Variants in MYO1H observed in about 807,000 individuals in gnomAD.
MYO1H encodes myosin IH.
A neutral mutation model predicts 149.3 loss-of-function variants in MYO1H; 118 were observed. That is an observed-to-expected ratio of 0.79 (90% CI 0.68 to 0.92). MYO1H has a LOEUF of 0.92. MYO1H is among the 40% of genes least tolerant of loss of function. The pLI, the probability that MYO1H is intolerant of heterozygous loss-of-function variation, is 0.00. For missense variants in MYO1H, 1,212 were observed against 1,280.7 expected (o/e 0.95, Z 0.82); for synonymous variants, 447 against 465.2 (o/e 0.96, Z 0.50).
At chr12:109,400,089 T>TA (rs1870096337) in intron 5 of MYO1H, among the ~76,000 whole-genome samples, 1 of 152,240 alleles carries the variant, frequency 6.6e-6, no homozygotes, top group African/African-American at 2.4e-5. Flanking sequence ...TCAATCAACG[T>TA]ATCTGTCAGA....
At chr12:109,334,574 C>T in the MYO1H span, among the ~76,000 whole-genome samples, 2 of 152,172 alleles carry the variant, frequency 1.3e-5, no homozygotes, top group Non-Finnish European at 1.5e-5. Context: ...ATTGAAATTG[C>T]CTGCTAAAGC....
In MYO1H at chr12:109,383,165, A is replaced by G. The variant is rs139759368; in HGVS notation, c.13-5518A>G. Among the ~76,000 whole-genome samples, 99 of 152,250 alleles carry G rather than the reference A, an allele frequency of 6.5e-4. 1 individual carries two copies. Among genetic ancestry groups the G allele is most frequent in the African/African-American group, 2.3e-3 (95 of 41,556 alleles). On this transcript the variant is annotated intron_variant, in intron 1 of 31. Transcript: ENST00000310903. Reference sequence around the variant, plus strand: ...AGAAAGGTCTGCTTTCCTCAATTTTACATATTAAGGTTTCTTATAACATTT... The same window carrying G: ...AGAAAGGTCTGCTTTCCTCAATTTTGCATATTAAGGTTTCTTATAACATTT...
At position 109,354,631 on chromosome 12, in the gene MYO1H, A is replaced by AAAGAAAGG. The variant is rs1555247920; in HGVS notation, c.12+6661_12+6662insGAAAGGAA. Among the ~76,000 whole-genome samples, 170 of 94,822 alleles carry AAAGAAAGG rather than the reference A, an allele frequency of 1.8e-3. 1 individual carries two copies. The highest frequency in any genetic ancestry group is 0.011 in the African/African-American group (157 of 13,794). 62.2% of individuals were successfully genotyped at this position (94,822 alleles called of 152,430 possible). ...CGAGACTCTGTCTAAAAAAAAAAAA[A>AAAGAAAGG]AAAGAAAAGAAAAGAAATCCCAGCC... On this transcript the variant is annotated intron_variant, in intron 1 of 31. Transcript: ENST00000310903.
chr12:109,404,161 A>AAACACCAAATTT, intron 7 of MYO1H, 81 bp downstream of exon 7: 1 of 1,042,194 alleles, frequency 9.6e-7, no homozygotes, highest in African/African-American at 1.6e-5. Flanking sequence ...TGCAGAATAC[A>AAACACCAAATTT]GTGGCCAAAT....
chr12:109,447,538 C>T (rs559613987), exon 32 of MYO1H: 8 of 357,984 alleles, frequency 2.2e-5, no homozygotes, highest in Non-Finnish European at 4.2e-5. Context: ...TGATGAAATA[C>T]TGTGTACAGC....
chr12:109,366,632 T>C (rs1390448967), intron 1 of MYO1H, among the ~76,000 whole-genome samples: 1 of 152,142 alleles, frequency 6.6e-6, no homozygotes, highest in Non-Finnish European at 1.5e-5. Context: ...TGACTCTCCC[T>C]CAGATGCAGA....
At chr12:109,396,548 G>T in exon 4 of MYO1H, 2 of 1,613,558 alleles carry the variant, frequency 1.2e-6, no homozygotes, top group Non-Finnish European at 1.7e-6. Flanking sequence ...CAAATAGCCC[G>T]TGACAGACTG....
chr12:109,325,562 A>G, the MYO1H span, among the ~76,000 whole-genome samples: 1 of 152,364 alleles, frequency 6.6e-6, no homozygotes, highest in East Asian at 1.9e-4. Flanking sequence ...AGCAATTTCA[A>G]CAAAAGGCAA....
chr12:109,396,827 T>C (rs919645877), intron 4 of MYO1H, among the ~76,000 whole-genome samples: 3 of 126,564 alleles, frequency 2.4e-5, no homozygotes, highest in African/African-American at 9.1e-5. Flanking sequence ...TTTTTTTTTT[T>C]TTTTTTTTTT....
chr12:109,433,970 G>A (rs1485944468), intron 20 of MYO1H, among the ~76,000 whole-genome samples: 1 of 152,150 alleles, frequency 6.6e-6, no homozygotes, highest in Non-Finnish European at 1.5e-5. Flanking sequence ...GGCAATGTGA[G>A]GTCAGTATTT....
At chr12:109,403,911 C>A in intron 6 of MYO1H, 71 bp from the exon 7 acceptor site, 1 of 1,032,160 alleles carries the variant, frequency 9.7e-7, no homozygotes, top group Non-Finnish European at 1.5e-6. Context: ...TTTGCATCTT[C>A]AGAGAGGAAT....
intron 1 of MYO1H, among the ~76,000 whole-genome samples, chr12:109,363,837 G>T (rs1159252093): frequency 6.6e-6 from 1 of 152,114 alleles, no homozygotes; most frequent in Admixed American, 6.6e-5. Flanking sequence ...AACATAGCAA[G>T]ACGAAAAAGA....
At chr12:109,337,373 G>C in the MYO1H span, among the ~76,000 whole-genome samples, 4 of 152,160 alleles carry the variant, frequency 2.6e-5, no homozygotes, top group African/African-American at 9.7e-5. Context: ...ATCCCACCTC[G>C]ATAGGATGTG....
the MYO1H span, among the ~76,000 whole-genome samples, chr12:109,320,237 C>G: frequency 2.0e-5 from 3 of 151,894 alleles, no homozygotes; most frequent in Non-Finnish European, 4.4e-5. Flanking sequence ...TCACTTGAGC[C>G]CAGGAGTCTG....
intron 6 of MYO1H, among the ~76,000 whole-genome samples, chr12:109,403,543 T>G (rs1196851854): frequency 1.3e-5 from 2 of 152,250 alleles, no homozygotes; most frequent in African/African-American, 2.4e-5. Flanking sequence ...TTTATTTCCT[T>G]GCAGGAAAGG....
intron 1 of MYO1H, among the ~76,000 whole-genome samples, chr12:109,367,756 G>A (rs1332864574): frequency 6.6e-6 from 1 of 152,064 alleles, no homozygotes; most frequent in Non-Finnish European, 1.5e-5. Flanking sequence ...GTTTCACCGT[G>A]TTAGCCAGGA....
At chr12:109,392,125 A>G (rs1240107893) in intron 2 of MYO1H, among the ~76,000 whole-genome samples, 1 of 152,172 alleles carries the variant, frequency 6.6e-6, no homozygotes, top group African/African-American at 2.4e-5. Context: ...TCATCATGAA[A>G]TCTTTGTGGG....
rs56146617 is a variant in MYO1H at position 109,368,640 on chromosome 12, T to TA, written c.13-20023dup. Among the ~76,000 whole-genome samples, 920 of 113,170 alleles carry TA rather than the reference T, an allele frequency of 8.1e-3. 11 individuals are homozygous for TA. Among genetic ancestry groups the TA allele is most frequent in the East Asian group, 0.02 (72 of 3,546 alleles). The allele number at this position is 113,170 out of a possible 152,430, so 74.2% of individuals were successfully genotyped here. A position where few individuals can be genotyped will look rare whatever the true frequency, so the allele number is the denominator to read the frequency against. ...TGGGCAACAAAGCAAGACTCCATCT[T>TA]AAAAAAAAAAAAAAAAAAAAGGGTT... On this transcript the variant is annotated intron_variant, in intron 1 of 31. Transcript: ENST00000310903.
chr12:109,352,104 C>G (rs897343661), intron 1 of MYO1H, among the ~76,000 whole-genome samples: 1 of 152,000 alleles, frequency 6.6e-6, no homozygotes, highest in African/African-American at 2.4e-5. Context: ...CCTTTTTTCT[C>G]TTTTGGGGAA....
Sources: allele counts gnomAD v4.1 joint callset (sites outside exome capture counted in the v4.1 genomes callset), GRCh38; gene constraint gnomAD v4.1.1; transcripts MANE v1.5; gene names NCBI Gene and HGNC (gene_info 2026-07-23, HGNC 2026-07-21).